The following TEN1 variants were observed in gnomAD, a reference collection of about 807,000 sequenced individuals.
TEN1 encodes TEN1 subunit of CST complex.
In TEN1, 6 loss-of-function variants were observed where a neutral mutation model predicts 9.3. The observed-to-expected ratio is 0.65, with a 90% CI of 0.35 to 1.27. TEN1 has a LOEUF of 1.27. Among genes scored for constraint, TEN1 ranks in the 50% most tolerant of loss-of-function variants. The pLI is 0.03. For missense variants in TEN1, 149 were observed against 158.2 expected, an observed-to-expected ratio of 0.94 and a Z score of 0.31; for synonymous variants, 65 against 65.6, an observed-to-expected ratio of 0.99 and a Z score of 0.04.
At chr17:75,998,906 G>T (rs1466469024) in intron 3 of TEN1, among the ~76,000 whole-genome samples, 1 of 152,076 alleles carries the variant, frequency 6.6e-6, no homozygotes, top group East Asian at 1.9e-4. Context: ...GGCCAAGCTG[G>T]TCATGAACTC....
chr17:75,983,430 C>A (rs1353436568), intron 1 of TEN1, among the ~76,000 whole-genome samples: 1 of 152,208 alleles, frequency 6.6e-6, no homozygotes, highest in Non-Finnish European at 1.5e-5. Context: ...TGGGGACACT[C>A]CTTTAGTCCC....
chr17:75,991,473 C>T lies in TEN1; in HGVS notation c.100C>T (p.Leu34Phe). Residue 34 changes from leucine (L) to phenylalanine (F), a missense_variant, in exon 3 of 4, where the codon CTC becomes TTC. Leu to Phe is a conservative substitution (Grantham distance 22). Transcript: ENST00000397640. The stretch of plus-strand genomic sequence containing the variant: ...ATTTCTTCTGCCTTCCAGGTTGTGC[C>T]TCTATGACATGATTCAGTCCAGAGT... ...STLRTFGRLC[L>F]YDMIQSRVTL... 6.4e-7 allele frequency: 1 copy of T among 1,552,232 alleles called. No homozygotes were observed. Among genetic ancestry groups the T allele is most frequent in the Non-Finnish European group, 8.7e-7 (1 of 1,147,096 alleles).
intron 3 of TEN1, among the ~76,000 whole-genome samples, chr17:75,995,818 G>C (rs1567898964): frequency 6.6e-6 from 1 of 152,112 alleles, no homozygotes. Flanking sequence ...TCCTTGTGTG[G>C]CTGGGCTCAG....
intron 1 of TEN1, among the ~76,000 whole-genome samples, chr17:75,983,138 G>T (rs926091065): frequency 1.3e-5 from 2 of 151,450 alleles, no homozygotes; most frequent in Non-Finnish European, 2.9e-5. Context: ...AAAATTAGCC[G>T]GGCATGGTGG....
intron 2 of TEN1, among the ~76,000 whole-genome samples, chr17:75,988,561 C>CAAA (rs1189354019): frequency 5.2e-4 from 15 of 28,976 alleles, no homozygotes; most frequent in East Asian, 1.2e-3. Context: ...GATCCTGCCT[C>CAAA]AAAAAAAAAA....
At chr17:75,992,550 T>C (rs1351266382) in intron 3 of TEN1, among the ~76,000 whole-genome samples, 1 of 152,018 alleles carries the variant, frequency 6.6e-6, no homozygotes, top group African/African-American at 2.4e-5. Context: ...TCTTGCTCTG[T>C]CGCCCAGGCT....
intron 3 of TEN1, among the ~76,000 whole-genome samples, chr17:75,992,068 A>G (rs12948007): frequency 5.2e-5 from 7 of 134,298 alleles, no homozygotes; most frequent in African/African-American, 2.7e-4. Context: ...AAAAAAAAAA[A>G]GACAGGTACA....
At chr17:75,981,751 T>G (rs1015402131) in intron 1 of TEN1, among the ~76,000 whole-genome samples, 5 of 152,002 alleles carry the variant, frequency 3.3e-5, no homozygotes, top group Non-Finnish European at 5.9e-5. Context: ...AAATATAAGC[T>G]GGGTGCGGTG....
chr17:75,985,612 C>T (rs2066146744), intron 1 of TEN1, among the ~76,000 whole-genome samples: 1 of 152,082 alleles, frequency 6.6e-6, no homozygotes, highest in Non-Finnish European at 1.5e-5. Context: ...GAAACTTCCA[C>T]CTCCTGGGTT....
chr17:75,979,811 T>C (rs923741963), intron 1 of TEN1, among the ~76,000 whole-genome samples: 7 of 151,638 alleles, frequency 4.6e-5, no homozygotes, highest in African/African-American at 1.7e-4. Context: ...AATGGCGTCT[T>C]TACTGGCAGA....
intron 3 of TEN1, among the ~76,000 whole-genome samples, chr17:75,992,222 T>C (rs997386976): frequency 7.5e-6 from 1 of 133,548 alleles, no homozygotes; most frequent in Non-Finnish European, 1.7e-5. Flanking sequence ...ATCTGAGTCT[T>C]AAAAATTTTT....
chr17:75,991,831 C>T (rs1025719294), intron 3 of TEN1, among the ~76,000 whole-genome samples: 9 of 152,060 alleles, frequency 5.9e-5, no homozygotes, highest in Non-Finnish European at 8.8e-5. Context: ...GACAGGGTGG[C>T]TGGTCAGGAG....
intron 3 of TEN1, among the ~76,000 whole-genome samples, chr17:75,997,497 A>T (rs2066224629): frequency 6.6e-6 from 1 of 151,594 alleles, no homozygotes. Context: ...TCCTCCTACC[A>T]TCAGACACTG....
At chr17:75,988,557 G>T (rs1598212691) in intron 2 of TEN1, among the ~76,000 whole-genome samples, 1 of 75,310 alleles carries the variant, frequency 1.3e-5, no homozygotes, top group African/African-American at 7.4e-5. Context: ...GTGAGATCCT[G>T]CCTCAAAAAA....
intron 3 of TEN1, 147 bp downstream of exon 3, chr17:75,991,770 ACT>A: frequency 9.3e-7 from 1 of 1,079,334 alleles, no homozygotes; most frequent in Non-Finnish European, 1.3e-6. Context: ...CAAGTTCAAC[ACT>A]CTTGAGGATT....
Position 75,980,189 on chromosome 17 carries a change from ATTAG to A in TEN1, c.-7+679_-7+682del, listed in dbSNP as rs544344257. ...CCATCCCTACAAAAAATACCAAAAAATTAGCTGGGTGTAGTGGCATGCGCCTGTA... is the reference window on the plus strand; with the variant it reads ...CCATCCCTACAAAAAATACCAAAAAACTGGGTGTAGTGGCATGCGCCTGTA... On this transcript the variant is annotated intron_variant, in intron 1 of 3. Transcript: ENST00000397640. 9.3e-4 allele frequency among the ~76,000 whole-genome samples: 141 copies of A among 152,102 alleles called. 1 individual carries two copies. Among genetic ancestry groups the A allele is most frequent in the African/African-American group, 3.3e-3 (137 of 41,520 alleles).
intron 3 of TEN1, among the ~76,000 whole-genome samples, chr17:75,996,557 T>C (rs143225497): frequency 6.6e-6 from 1 of 150,730 alleles, no homozygotes; most frequent in African/African-American, 2.4e-5. Context: ...ATGCAAAAAT[T>C]AGCAGGGTGC....
intron 3 of TEN1, among the ~76,000 whole-genome samples, chr17:75,998,535 T>G (rs2066231415): frequency 6.6e-6 from 1 of 152,150 alleles, no homozygotes; most frequent in African/African-American, 2.4e-5. Context: ...GTTCATTGCC[T>G]AAGGGTAGCC....
At chr17:75,986,417 AGTT>A in intron 2 of TEN1, 133 bp downstream of exon 2, 1 of 892,114 alleles carries the variant, frequency 1.1e-6, no homozygotes, top group Non-Finnish European at 1.6e-6. Flanking sequence ...AAAAAAAATT[AGTT>A]GCCGGGCGCG....
Sources: gnomAD v4.1 joint callset for allele counts (sites outside exome capture counted in the v4.1 genomes callset) on GRCh38, gnomAD v4.1.1 for gene constraint, MANE v1.5 for transcripts, NCBI Gene and HGNC (gene_info 2026-07-23, HGNC 2026-07-21) for gene names.